NCALD: variants seen among roughly 807,000 people sequenced by gnomAD.
NCALD encodes neurocalcin-delta.
Under a neutral mutation model 18.6 loss-of-function variants are expected in NCALD, and 10 were observed. The ratio of observed to expected loss-of-function variants is 0.54; its 90% CI spans 0.33 to 0.91. The LOEUF (loss-of-function observed/expected upper bound fraction) is 0.91, where lower values mean the gene tolerates loss of function less well. Ranked by LOEUF, NCALD falls within the 40% of genes least tolerant of loss-of-function variation. The probability of loss-of-function intolerance (pLI) is 0.03; values close to 1 mark genes in which losing one functional copy is unlikely to be tolerated. For missense variants in NCALD, 184 were observed against 247.6 expected (o/e 0.74, Z 1.72); for synonymous variants, 88 against 87.4 (o/e 1.01, Z -0.04).
chr8:101,839,529 G>T (rs929925056), intron 4 of NCALD, among the ~76,000 whole-genome samples: 1 of 152,112 alleles, frequency 6.6e-6, no homozygotes, highest in African/African-American at 2.4e-5. Flanking sequence ...TACACTCCCT[G>T]CCAGAACCAA....
At chr8:101,990,542 C>G (rs1821000294) in intron 2 of NCALD, among the ~76,000 whole-genome samples, 1 of 152,166 alleles carries the variant, frequency 6.6e-6, no homozygotes, top group Non-Finnish European at 1.5e-5. Context: ...GGGGGTGTGT[C>G]TTTCCCTTGC....
chr8:101,876,219 G>T (rs1487761896), intron 4 of NCALD, among the ~76,000 whole-genome samples: 3 of 152,216 alleles, frequency 2.0e-5, no homozygotes, highest in Non-Finnish European at 4.4e-5. Context: ...AGTCCACCCA[G>T]ATCAAATTTT....
chr8:101,727,068 T>C (rs1410514463), intron 1 of NCALD, among the ~76,000 whole-genome samples: 1 of 152,180 alleles, frequency 6.6e-6, no homozygotes, highest in Non-Finnish European at 1.5e-5. Context: ...AGACTGGACA[T>C]TGAAAGGTCT....
At chr8:101,817,474 G>A (rs1040567692) in intron 4 of NCALD, among the ~76,000 whole-genome samples, 4 of 151,966 alleles carry the variant, frequency 2.6e-5, no homozygotes, top group Non-Finnish European at 4.4e-5. Context: ...AATAAATCAC[G>A]GTTTCAGCCT....
At chr8:101,977,545 T>A (rs1339748062) in intron 2 of NCALD, among the ~76,000 whole-genome samples, 1 of 152,224 alleles carries the variant, frequency 6.6e-6, no homozygotes, top group African/African-American at 2.4e-5. Flanking sequence ...AAACTTGTTA[T>A]TAACATGGGG....
At chr8:101,991,151 T>C (rs575171594) in intron 2 of NCALD, among the ~76,000 whole-genome samples, 2 of 152,318 alleles carry the variant, frequency 1.3e-5, no homozygotes, top group South Asian at 4.1e-4. Context: ...TTGACTGCAT[T>C]GTATCGACAA....
At chr8:102,122,602 A>G (rs1328811854) in intron 1 of NCALD, among the ~76,000 whole-genome samples, 3 of 152,246 alleles carry the variant, frequency 2.0e-5, no homozygotes, top group African/African-American at 7.2e-5. Flanking sequence ...AGCACTTACA[A>G]CAAGGCATGA....
intron 2 of NCALD, among the ~76,000 whole-genome samples, chr8:101,970,058 AGAT>A (rs1379367596): frequency 1.3e-5 from 2 of 152,210 alleles, no homozygotes; most frequent in African/African-American, 4.8e-5. Flanking sequence ...AGGAGAAGAA[AGAT>A]GAGGAAAAGC....
At chr8:101,837,053 A>G (rs1814442347) in intron 4 of NCALD, among the ~76,000 whole-genome samples, 2 of 152,032 alleles carry the variant, frequency 1.3e-5, no homozygotes, top group African/African-American at 4.8e-5. Context: ...GCTAATATCA[A>G]CCACCCTGCT....
intron 1 of NCALD, among the ~76,000 whole-genome samples, chr8:101,758,070 G>A (rs958366061): frequency 6.6e-6 from 1 of 152,126 alleles, no homozygotes; most frequent in Non-Finnish European, 1.5e-5. Flanking sequence ...AATTACAAGT[G>A]TGAACTACCA....
chr8:101,911,342 CTT>C (rs1384114567), intron 3 of NCALD, among the ~76,000 whole-genome samples: 1 of 146,904 alleles, frequency 6.8e-6, no homozygotes, highest in African/African-American at 2.5e-5. Context: ...ATGAATTTCT[CTT>C]TTCTTTTTTT....
intron 1 of NCALD, among the ~76,000 whole-genome samples, chr8:101,773,563 G>A (rs771126145): frequency 1.3e-5 from 2 of 152,146 alleles, no homozygotes; most frequent in Non-Finnish European, 2.9e-5. Context: ...CCCTGCACCT[G>A]AGCATCACCT....
At chr8:102,072,951 A>G (rs1824225898) in intron 1 of NCALD, among the ~76,000 whole-genome samples, 1 of 152,218 alleles carries the variant, frequency 6.6e-6, no homozygotes, top group Non-Finnish European at 1.5e-5. Flanking sequence ...CATTTTCTAT[A>G]TCTTGTGACT....
intron 4 of NCALD, among the ~76,000 whole-genome samples, chr8:101,829,950 A>G (rs1814099827): frequency 6.6e-6 from 1 of 150,378 alleles, no homozygotes; most frequent in South Asian, 2.1e-4. Context: ...TAGCATCAGG[A>G]AGAACATTTA....
intron 1 of NCALD, among the ~76,000 whole-genome samples, chr8:102,112,995 T>C (rs1329979375): frequency 1.3e-5 from 2 of 151,450 alleles, no homozygotes; most frequent in Admixed American, 1.3e-4. Context: ...ACCTTTTTTC[T>C]TTATAAATTA....
intron 2 of NCALD, among the ~76,000 whole-genome samples, chr8:101,975,835 C>T (rs992879385): frequency 6.6e-6 from 1 of 151,976 alleles, no homozygotes; most frequent in Admixed American, 6.6e-5. Flanking sequence ...TCTTTTTTAC[C>T]TTATATCTTC....
intron 1 of NCALD, among the ~76,000 whole-genome samples, chr8:102,108,610 G>A (rs1287026503): frequency 2.6e-5 from 4 of 152,240 alleles, no homozygotes; most frequent in African/African-American, 4.8e-5. Flanking sequence ...GTCTAAGGAC[G>A]ATAGCAGGAG....
chr8:102,079,587 T>A (rs780520754), intron 1 of NCALD, among the ~76,000 whole-genome samples: 10 of 152,208 alleles, frequency 6.6e-5, no homozygotes, highest in Non-Finnish European at 1.5e-4. Flanking sequence ...CTGTTGCCCA[T>A]AACCCAGTTT....
In NCALD at chr8:101,785,402, T is replaced by G. The variant is rs150580839; in HGVS notation, c.-20+5460A>C. On this transcript the variant is annotated intron_variant, in intron 1 of 3. Coordinates refer to ENST00000220931, the MANE Select transcript of NCALD (RefSeq NM_032041.3). ...CAAAAATCCAAGAGGGATGCCCTAATATTATTCACATAAGAAAACTCTGAT... is the reference window on the plus strand; with the variant it reads ...CAAAAATCCAAGAGGGATGCCCTAAGATTATTCACATAAGAAAACTCTGAT... Among the ~76,000 whole-genome samples, 144 of 152,274 alleles carry G rather than the reference T, an allele frequency of 9.5e-4. 2 individuals are homozygous for G. In the East Asian group the frequency reaches 0.024, roughly 26 times the overall value.
Sources: gnomAD v4.1 joint callset for allele counts (sites outside exome capture counted in the v4.1 genomes callset) on GRCh38, gnomAD v4.1.1 for gene constraint, MANE v1.5 for transcripts, NCBI Gene and HGNC (gene_info 2026-07-23, HGNC 2026-07-21) for gene names.